Variants in PCDHA3 observed in about 807,000 individuals in gnomAD.
The protein encoded by PCDHA3 is protocadherin alpha-3.
Under a neutral mutation model 62.2 loss-of-function variants are expected in PCDHA3, and 41 were observed. That is an observed-to-expected ratio of 0.66 (90% CI 0.51 to 0.86). PCDHA3 has a LOEUF of 0.86. Among genes scored for constraint, PCDHA3 ranks in the 40% least tolerant of loss-of-function variants. The pLI is 0.00. For missense variants in PCDHA3, 1,304 were observed against 1,241.2 expected (o/e 1.05, Z -0.76); for synonymous variants, 640 against 555.4 (o/e 1.15, Z -2.14).
chr5:140,835,534 AG>A, intron 1 of PCDHA3: 1 of 1,613,954 alleles, frequency 6.2e-7, no homozygotes, highest in Non-Finnish European at 8.5e-7. Flanking sequence ...GTCAACGGAC[AG>A]GTTACCTGCT....
intron 1 of PCDHA3, among the ~76,000 whole-genome samples, chr5:140,895,711 T>C (rs2065121989): frequency 6.6e-6 from 1 of 152,216 alleles, no homozygotes; most frequent in African/African-American, 2.4e-5. Flanking sequence ...CTTGGGATAA[T>C]GGCCTGCACC....
rs1763037287 is a variant in PCDHA3 at position 140,802,818 on chromosome 5, G to T, written c.1621G>T (p.Gly541Cys). Residue 541 changes from glycine (G) to cysteine (C), a missense_variant, in exon 1 of 4, where the codon GGC (glycine) becomes TGC (cysteine). Coordinates refer to ENST00000522353, the MANE Select transcript of PCDHA3 (RefSeq NM_018906.3). ...GTTCCAGGTGAGTGCGCGCGATGCGGGCGTGCCGCCTCTGGGCAGCAACGT... is the reference window on the plus strand; with the variant it reads ...GTTCCAGGTGAGTGCGCGCGATGCGTGCGTGCCGCCTCTGGGCAGCAACGT... Reference protein sequence around the residue: ...LQFQVSARDAGVPPLGSNVTL... With the variant: ...LQFQVSARDACVPPLGSNVTL... 6.2e-7 allele frequency: 1 copy of T among 1,613,474 alleles called. No homozygotes were observed. Among genetic ancestry groups the T allele is most frequent in the South Asian group, 1.1e-5 (1 of 91,066 alleles).
At chr5:140,898,597 G>C (rs1452719602) in intron 1 of PCDHA3, among the ~76,000 whole-genome samples, 12 of 152,188 alleles carry the variant, frequency 7.9e-5, no homozygotes, top group Admixed American at 1.3e-4. Context: ...CTGTAGCCTT[G>C]TAGTATAGTT....
At chr5:140,891,218 A>G (rs1554184722) in intron 1 of PCDHA3, among the ~76,000 whole-genome samples, 1 of 152,044 alleles carries the variant, frequency 6.6e-6, no homozygotes, top group African/African-American at 2.4e-5. Flanking sequence ...CTGTGTCTTT[A>G]TAATCATCCT....
intron 1 of PCDHA3, chr5:140,821,844 GAA>G: frequency 3.7e-6 from 6 of 1,614,176 alleles, no homozygotes; most frequent in Non-Finnish European, 5.1e-6. Context: ...TTGCCTACTG[GAA>G]GGCAGGGAGC....
chr5:140,884,803 C>T, intron 1 of PCDHA3: 1 of 1,225,142 alleles, frequency 8.2e-7, no homozygotes, highest in Non-Finnish European at 1.1e-6. Context: ...AATTTAACAA[C>T]TCTGCTGTGG....
At chr5:140,857,006 G>A (rs1365266931) in intron 1 of PCDHA3, 2 of 1,595,206 alleles carry the variant, frequency 1.3e-6, no homozygotes, top group East Asian at 2.2e-5. Flanking sequence ...AATTCATGTA[G>A]ATGTTACAGA....
intron 1 of PCDHA3, among the ~76,000 whole-genome samples, chr5:140,897,558 T>A (rs1413076305): frequency 3.3e-5 from 5 of 152,186 alleles, no homozygotes; most frequent in African/African-American, 1.2e-4. Context: ...ATGGTGTATA[T>A]GTGCCACATT....
chr5:140,880,790 T>C (rs2058480985), intron 1 of PCDHA3, among the ~76,000 whole-genome samples: 1 of 152,190 alleles, frequency 6.6e-6, no homozygotes, highest in African/African-American at 2.4e-5. Flanking sequence ...AGAGGAGTAA[T>C]ATAAATAGGT....
chr5:140,882,928 C>G (rs1554176132), intron 1 of PCDHA3: 1 of 1,614,140 alleles, frequency 6.2e-7, no homozygotes, highest in South Asian at 1.1e-5. Flanking sequence ...GAGGTAAACC[C>G]GAGCTGACTG....
intron 1 of PCDHA3, chr5:140,828,080 G>C (rs2150150678): frequency 6.3e-7 from 1 of 1,580,098 alleles, no homozygotes; most frequent in Non-Finnish European, 8.6e-7. Flanking sequence ...AATAAAACCA[G>C]AGGTATTTGA....
chr5:140,930,925 G>T (rs1271801364), intron 1 of PCDHA3, among the ~76,000 whole-genome samples: 7 of 152,158 alleles, frequency 4.6e-5, no homozygotes, highest in Admixed American at 4.6e-4. Flanking sequence ...ATGTGTATAT[G>T]TGGTTAACAG....
chr5:140,984,304 G>A (rs1587007644), intron 3 of PCDHA3, among the ~76,000 whole-genome samples: 1 of 152,168 alleles, frequency 6.6e-6, no homozygotes, highest in Admixed American at 6.5e-5. Context: ...GATGCTGGTT[G>A]GTGTGTATTC....
intron 3 of PCDHA3, among the ~76,000 whole-genome samples, chr5:141,004,523 A>G (rs934216851): frequency 3.3e-5 from 5 of 152,232 alleles, no homozygotes; most frequent in Admixed American, 2.0e-4. Flanking sequence ...CTCTGCCAAT[A>G]CACACAGCCA....
rs760426957 is a variant in PCDHA3, at chr5:141,009,783, G to A, written c.2699G>A (p.Arg900Gln). 2.5e-6 allele frequency: 4 copies of A among 1,613,880 alleles called. No individual in the cohort carries two copies. Among genetic ancestry groups the A allele is most frequent in the Admixed American group, 3.3e-5 (2 of 59,976 alleles). Reference protein sequence around the residue: ...IPGSPAIISIRQEPTNSQIDK... With the variant: ...IPGSPAIISIQQEPTNSQIDK... ...GGATCTCCTGCAATCATCTCCATCC[G>A]GCAGGAGCCTACTAACAGCCAAATT... is the stretch of plus-strand genomic sequence containing the variant. Residue 900 changes from arginine (R) to glutamine (Q), a missense_variant, in exon 4 of 4, where the codon CGG becomes CAG. Transcript: ENST00000522353.
intron 1 of PCDHA3, among the ~76,000 whole-genome samples, chr5:140,941,255 C>CTTTCTTTCTT (rs782490896): frequency 0.012 from 539 of 44,464 alleles, 5 homozygotes; most frequent in Middle Eastern, 0.036. Context: ...TTCTTTCTTT[C>CTTTCTTTCTT]TCTTTCTTTC....
Position 140,801,454 on chromosome 5 carries a change from T to C in PCDHA3, c.257T>C (p.Val86Ala), listed in dbSNP as rs1762710977. Residue 86 changes from valine (V) to alanine (A), a missense_variant, in exon 1 of 4, where the codon GTG becomes GCG. Coordinates refer to ENST00000522353, the MANE Select transcript of PCDHA3 (RefSeq NM_018906.3). The stretch of plus-strand genomic sequence containing the variant: ...AATCTGCAGAATGGCATTTTGTTTG[T>C]GAATTCTCGGATAGACCGCGAGGAA... ...EVNLQNGILF[V>A]NSRIDREELC... 1.2e-6 allele frequency: 2 copies of C among 1,613,846 alleles called. No individual in the cohort carries two copies. The highest frequency in any genetic ancestry group is 1.1e-5 in the South Asian group (1 of 91,076).
At chr5:140,940,101 G>A (rs754155361) in intron 1 of PCDHA3, among the ~76,000 whole-genome samples, 23 of 152,148 alleles carry the variant, frequency 1.5e-4, no homozygotes, top group Non-Finnish European at 3.2e-4. Flanking sequence ...AACTTTTAGC[G>A]TTATGTATTA....
Position 140,802,054 on chromosome 5 carries a change from C to T in PCDHA3, c.857C>T (p.Ser286Leu), listed in dbSNP as rs17844253. 802 of 1,614,152 alleles carry T rather than the reference C, an allele frequency of 5.0e-4. 13 individuals carry two copies. In the East Asian group the frequency reaches 0.018, roughly 36 times the overall value. ...DIAYSFNTDMSADILSKFHLD... is the reference protein window; with the variant it reads ...DIAYSFNTDMLADILSKFHLD... The stretch of plus-strand genomic sequence containing the variant: ...GCGTATTCTTTCAATACGGACATGT[C>T]AGCAGATATTCTGTCAAAATTCCAT... Residue 286 changes from serine to leucine, a missense_variant, in exon 1 of 4, where the codon TCA (serine) becomes TTA (leucine). By Grantham distance (145) the Ser-to-Leu change is moderately radical. Transcript: ENST00000522353.
Sources: gnomAD v4.1 joint callset for allele counts (sites outside exome capture counted in the v4.1 genomes callset) on GRCh38, gnomAD v4.1.1 for gene constraint, MANE v1.5 for transcripts, NCBI Gene and HGNC (gene_info 2026-07-23, HGNC 2026-07-21) for gene names.